Variants in PPP1R16B observed in about 807,000 individuals in gnomAD.
PPP1R16B encodes the protein protein phosphatase 1 regulatory inhibitor subunit 16B.
A neutral mutation model predicts 61.7 loss-of-function variants in PPP1R16B; 14 were observed. The ratio of observed to expected loss-of-function variants is 0.23; its 90% CI spans 0.15 to 0.35. PPP1R16B has a LOEUF of 0.35. Among genes scored for constraint, PPP1R16B ranks in the 10% least tolerant of loss-of-function variants. The pLI, the probability that PPP1R16B is intolerant of heterozygous loss-of-function variation, is 1.00. For missense variants in PPP1R16B, 547 were observed against 752.5 expected, an observed-to-expected ratio of 0.73 and a Z score of 3.19; for synonymous variants, 266 against 305.3, an observed-to-expected ratio of 0.87 and a Z score of 1.34.
intron 2 of PPP1R16B, among the ~76,000 whole-genome samples, chr20:38,869,902 G>A (rs1409911641): frequency 6.6e-6 from 1 of 150,522 alleles, no homozygotes; most frequent in East Asian, 1.9e-4. Context: ...TGCCTTCACT[G>A]CAGAGCAAAA....
chr20:38,900,490 T>C, intron 4 of PPP1R16B, 91 bp from the exon 5 acceptor site: 1 of 946,024 alleles, frequency 1.1e-6, no homozygotes, highest in Non-Finnish European at 1.6e-6. Context: ...GGTTGTACAG[T>C]AGGATTGCAG....
intron 6 of PPP1R16B, among the ~76,000 whole-genome samples, chr20:38,905,333 G>A (rs1568683386): frequency 6.6e-6 from 1 of 152,196 alleles, no homozygotes; most frequent in African/African-American, 2.4e-5. Context: ...TTCCAAGTCA[G>A]TTCACACACA....
In PPP1R16B at chr20:38,832,832, C is replaced by T. The variant is rs190771182; in HGVS notation, c.-101-2993C>T. ...ACTTGGGAGGCTGAGGTGGGAGAAT[C>T]GCTTGAACCCAGGAGGCGGAGGTTG... On this transcript the variant is annotated intron_variant, in intron 1 of 10. Coordinates refer to ENST00000299824, the MANE Select transcript of PPP1R16B (RefSeq NM_015568.4). Among the ~76,000 whole-genome samples, 356 of 151,132 alleles carry T rather than the reference C, an allele frequency of 2.4e-3. 1 individual carries two copies. Among genetic ancestry groups the T allele is most frequent in the African/African-American group, 7.7e-3 (318 of 41,108 alleles).
chr20:38,910,132 C>T (rs1451169274), intron 10 of PPP1R16B, among the ~76,000 whole-genome samples: 8 of 152,026 alleles, frequency 5.3e-5, no homozygotes, highest in South Asian at 2.1e-4. Context: ...GTGCCCGCCA[C>T]GACGCCTGGT....
At chr20:38,903,741 G>T (rs933912453) in intron 6 of PPP1R16B, among the ~76,000 whole-genome samples, 1 of 152,146 alleles carries the variant, frequency 6.6e-6, no homozygotes, top group Non-Finnish European at 1.5e-5. Flanking sequence ...AATCCGCCTG[G>T]TTAACTCCAC....
chr20:38,914,043 C>T (rs142254411), intron 10 of PPP1R16B, among the ~76,000 whole-genome samples: 4,263 of 152,126 alleles, frequency 0.028, 205 homozygotes, highest in African/African-American at 0.097. Flanking sequence ...AATAGCCAGG[C>T]GTGGTGGCAG....
At chr20:38,844,508 A>G (rs2084926009) in intron 2 of PPP1R16B, among the ~76,000 whole-genome samples, 1 of 152,248 alleles carries the variant, frequency 6.6e-6, no homozygotes, top group Non-Finnish European at 1.5e-5. Context: ...AGCTTAAAAA[A>G]TGGCTCAAGT....
At chr20:38,901,001 A>G (rs2085389260) in intron 5 of PPP1R16B, among the ~76,000 whole-genome samples, 1 of 152,234 alleles carries the variant, frequency 6.6e-6, no homozygotes, top group African/African-American at 2.4e-5. Flanking sequence ...TTCACCATAA[A>G]GATATATTCC....
At chr20:38,877,880 A>C (rs1427799228) in intron 2 of PPP1R16B, among the ~76,000 whole-genome samples, 5 of 135,658 alleles carry the variant, frequency 3.7e-5, no homozygotes, top group South Asian at 4.8e-4. Flanking sequence ...CCTGTTTTAT[A>C]TTTGAACATT....
Position 38,918,504 on chromosome 20 carries a change from T to C in PPP1R16B, c.1542T>C (p.Ser514=), listed in dbSNP as rs1270446072. The stretch of plus-strand genomic sequence containing the variant: ...TGGCCAGGACGGGCGAGAGTAGCAG[T>C]GAAGGCAAGGCCCCCTTGATCGGAG... ...SSMARTGESS[S]EGKAPLIGGR... Residue 514 remains serine, a synonymous_variant, in exon 11 of 11, where the codon AGT becomes AGC. Coordinates refer to ENST00000299824, the MANE Select transcript of PPP1R16B (RefSeq NM_015568.4). The surrounding 1 kb of genome is among the most constrained non-coding windows in gnomAD (Gnocchi z 5.3). 1.2e-6 allele frequency: 2 copies of C among 1,605,986 alleles called. No homozygotes were observed. Among genetic ancestry groups the C allele is most frequent in the South Asian group, 1.1e-5 (1 of 90,544 alleles).
intron 2 of PPP1R16B, among the ~76,000 whole-genome samples, chr20:38,861,779 C>T (rs1048570576): frequency 1.7e-4 from 25 of 150,700 alleles, no homozygotes; most frequent in Non-Finnish European, 3.1e-4. Context: ...CGGGTTCAAG[C>T]GATTCTCTTG....
chr20:38,872,679 G>C (rs978304511), intron 2 of PPP1R16B: 1 of 152,420 alleles, frequency 6.6e-6, no homozygotes, highest in Non-Finnish European at 1.5e-5. Context: ...GCTAGACCAC[G>C]AACCCTGTGA....
At position 38,921,410 on chromosome 20, in the gene PPP1R16B, T is replaced by A. The variant is rs2085596836; in HGVS notation, c.*2744T>A. ...AAGACAGAGTCAGGAGAACTGTTCC[T>A]TGTGGTTTCCGTCCCTTGGGGACCA... On this transcript the variant is annotated 3_prime_UTR_variant, in exon 11 of 11. Coordinates refer to ENST00000299824, the MANE Select transcript of PPP1R16B (RefSeq NM_015568.4). The A allele has an allele frequency of 6.6e-6, 1 of 152,286 alleles. No homozygotes were observed. The highest frequency in any genetic ancestry group is 6.5e-5 in the Admixed American group (1 of 15,292). 9.4% of individuals were successfully genotyped at this position (152,286 alleles called of 1,614,324 possible). A position where few individuals can be genotyped will look rare whatever the true frequency, so the allele number is the denominator to read the frequency against.
rs368821692 is a variant in PPP1R16B, at chr20:38,843,406, CTGGAGAATCCACTTCCAAGA to C, written c.250+7235_250+7254del. Among the ~76,000 whole-genome samples, 1,522 of 152,350 alleles carry C rather than the reference CTGGAGAATCCACTTCCAAGA, an allele frequency of 1.0e-2. 10 individuals are homozygous for C. Among genetic ancestry groups the C allele is most frequent in the Middle Eastern group, 0.017 (5 of 294 alleles). ...CAGTCACTTCAGGATTTACCTGGGG[CTGGAGAATCCACTTCCAAGA>C]TGGCTCACTGGCATGGCTCTTGGCA... On this transcript the variant is annotated intron_variant, in intron 2 of 10. Transcript: ENST00000299824.
At chr20:38,841,355 A>G (rs2084908030) in intron 2 of PPP1R16B, among the ~76,000 whole-genome samples, 2 of 130,776 alleles carry the variant, frequency 1.5e-5, no homozygotes, top group Non-Finnish European at 3.2e-5. Context: ...TCTGTACTGA[A>G]AAAAAAAAAA....
chr20:38,862,271 A>G (rs1281391375), intron 2 of PPP1R16B, among the ~76,000 whole-genome samples: 1 of 152,230 alleles, frequency 6.6e-6, no homozygotes, highest in African/African-American at 2.4e-5. Context: ...AGGCAATGTT[A>G]GCATAGTGAA....
chr20:38,810,370 C>T (rs1047032013), intron 1 of PPP1R16B, among the ~76,000 whole-genome samples: 4 of 152,358 alleles, frequency 2.6e-5, no homozygotes, highest in African/African-American at 9.6e-5. Flanking sequence ...CCGAGGCAGT[C>T]CCTCTGCACC....
At chr20:38,842,457 T>C (rs1355419900) in intron 2 of PPP1R16B, among the ~76,000 whole-genome samples, 1 of 152,240 alleles carries the variant, frequency 6.6e-6, no homozygotes, top group Non-Finnish European at 1.5e-5. Flanking sequence ...GTTTTCTTTA[T>C]GGAAATTCTC....
At chr20:38,895,955 CCTTT>C (rs1157700863) in intron 4 of PPP1R16B, among the ~76,000 whole-genome samples, 8 of 101,340 alleles carry the variant, frequency 7.9e-5, no homozygotes, top group African/African-American at 3.1e-4. Context: ...CTCCCTCCCT[CCTTT>C]CTTCTTTCTT....
Sources: allele counts gnomAD v4.1 joint callset (sites outside exome capture counted in the v4.1 genomes callset), GRCh38; gene constraint gnomAD v4.1.1; non-coding constraint Gnocchi (gnomAD v3.1); transcripts MANE v1.5; gene names NCBI Gene and HGNC (gene_info 2026-07-23, HGNC 2026-07-21).